Variants in ZNF23 observed in about 807,000 individuals in gnomAD.
ZNF23 encodes kruppel-like zinc finger factor X31.
In ZNF23, 48 loss-of-function variants were observed where a neutral mutation model predicts 56.2. That is an observed-to-expected ratio of 0.85 (90% CI 0.68 to 1.09). ZNF23 has a LOEUF of 1.09. Among genes scored for constraint, ZNF23 ranks in the 50% least tolerant of loss-of-function variants. ZNF23 has a pLI of 0.00. For missense variants in ZNF23, 805 were observed against 811.4 expected (o/e 0.99, Z 0.10); for synonymous variants, 266 against 283.3 (o/e 0.94, Z 0.61).
intron 4 of ZNF23, chr16:71,451,608 T>A: frequency 6.6e-6 from 1 of 152,250 alleles, no homozygotes; most frequent in East Asian, 1.9e-4. Context: ...AGCTGTCTAT[T>A]AGCCGGGAAG....
At chr16:71,457,508 A>G (rs2043280525) in intron 1 of ZNF23, among the ~76,000 whole-genome samples, 1 of 152,066 alleles carries the variant, frequency 6.6e-6, no homozygotes, top group African/African-American at 2.4e-5. Context: ...GCTTGCAGTG[A>G]GCCAAGATTG....
chr16:71,457,000 G>C (rs987803097), intron 1 of ZNF23, among the ~76,000 whole-genome samples, 172 bp from the exon 2 acceptor site: 1 of 152,076 alleles, frequency 6.6e-6, no homozygotes, highest in Non-Finnish European at 1.5e-5. Flanking sequence ...TAGGACTCCA[G>C]GCTATGACAC....
At chr16:71,450,755 C>G in intron 4 of ZNF23, 1 of 423,138 alleles carries the variant, frequency 2.4e-6, no homozygotes, top group Non-Finnish European at 4.7e-6. Context: ...GAATAAAATT[C>G]TAGGTCTTGT....
In ZNF23 at chr16:71,457,339, T is replaced by C. The variant is rs746759455; in HGVS notation, c.-32-511A>G. Among the ~76,000 whole-genome samples the C allele has an allele frequency of 6.6e-5, 10 of 152,018 alleles. No individual in the cohort carries two copies. The East Asian group carries it at 1.9e-3, about 29-fold the overall frequency. On this transcript the variant is annotated intron_variant, in intron 1 of 4. Coordinates refer to ENST00000647773, the MANE Select transcript of ZNF23 (RefSeq NM_001381984.1). ...CAGCACTTTGGGAGGCCAGGGCGGG[T>C]GGATCACAAGGTCAGGAGATCAAGA...
At chr16:71,452,757 T>C (rs1372452910) in intron 4 of ZNF23, 1 of 154,310 alleles carries the variant, frequency 6.5e-6, no homozygotes, top group African/African-American at 2.4e-5. Context: ...CCTTTTATTA[T>C]TAACCCATTT....
intron 2 of ZNF23, 78 bp from the exon 3 acceptor site, chr16:71,454,246 G>A: frequency 6.6e-7 from 1 of 1,512,138 alleles, no homozygotes. Flanking sequence ...CGCAGTATAA[G>A]GGCTTGGGGA....
chr16:71,454,614 T>C (rs1416971450), intron 2 of ZNF23, among the ~76,000 whole-genome samples: 1 of 152,052 alleles, frequency 6.6e-6, no homozygotes, highest in Non-Finnish European at 1.5e-5. Context: ...CATCCACGGC[T>C]TCTGTCTCAT....
chr16:71,449,244 A>C lies in ZNF23; in HGVS notation c.910T>G (p.Phe304Val). Residue 304 changes from phenylalanine to valine, a missense_variant, in exon 5 of 5, where the codon TTC becomes GTC. Phe to Val is a conservative substitution (Grantham distance 50, BLOSUM62 -1). Coordinates refer to ENST00000647773, the MANE Select transcript of ZNF23 (RefSeq NM_001381984.1). ...PYQCKMCGKA[F>V]SVNGSLSRHQ... Reference sequence around the variant, plus strand: ...CTACTTAGGCTTCCATTAACACTGAAGGCCTTCCCACACATCTTACACTGA... The same window carrying C: ...CTACTTAGGCTTCCATTAACACTGACGGCCTTCCCACACATCTTACACTGA... 1 of 1,614,150 alleles carries C rather than the reference A, an allele frequency of 6.2e-7. No homozygotes were observed. The highest frequency in any genetic ancestry group is 8.5e-7 in the Non-Finnish European group (1 of 1,180,022).
chr16:71,459,006 C>A (rs936271313), intron 1 of ZNF23, among the ~76,000 whole-genome samples: 4 of 152,256 alleles, frequency 2.6e-5, no homozygotes, highest in African/African-American at 7.2e-5. Flanking sequence ...TAATTCTGCT[C>A]TTAGTTTGTT....
At position 71,449,589 on chromosome 16, in the gene ZNF23, C is replaced by T. The variant is rs1278564889; in HGVS notation, c.565G>A (p.Gly189Arg). ...TTTGTATCAAAGCTGATGGATTTCC[C>T]CAATCCTGTACACCCAGAGGGCTGC... ...GEQPSGCTGL[G>R]KSISFDTKLV... is the part of the protein sequence containing the mutation. Residue 189 changes from glycine to arginine, a missense_variant, in exon 5 of 5, where the codon GGG (glycine) becomes AGG (arginine). Coordinates refer to ENST00000647773, the MANE Select transcript of ZNF23 (RefSeq NM_001381984.1). 7 of 1,613,946 alleles carry T rather than the reference C, an allele frequency of 4.3e-6. No individual in the cohort carries two copies. In the Admixed American group the frequency reaches 6.7e-5, roughly 15 times the overall value.
intron 2 of ZNF23, 57 bp downstream of exon 2, chr16:71,456,707 C>CA: frequency 2.0e-6 from 2 of 986,120 alleles, no homozygotes; most frequent in Non-Finnish European, 2.4e-6. Flanking sequence ...CTCCCCTTCT[C>CA]AATGTTTTTC....
At chr16:71,450,614 G>A (rs944234991) in intron 4 of ZNF23, 10 of 400,420 alleles carry the variant, frequency 2.5e-5, no homozygotes, top group African/African-American at 2.1e-4. Flanking sequence ...AGCTACTCGG[G>A]AGGATGAGGC....
intron 1 of ZNF23, among the ~76,000 whole-genome samples, chr16:71,457,184 G>T (rs1419421084): frequency 6.6e-6 from 1 of 152,124 alleles, no homozygotes; most frequent in Non-Finnish European, 1.5e-5. Context: ...AATCCCAACA[G>T]TTTGAGAGGC....
At chr16:71,457,291 G>A (rs879293933) in intron 1 of ZNF23, among the ~76,000 whole-genome samples, 2 of 151,918 alleles carry the variant, frequency 1.3e-5, no homozygotes, top group African/African-American at 4.8e-5. Flanking sequence ...TAGGCTGGGC[G>A]CGGTGGCTCA....
chr16:71,462,010 G>A (rs1296619253), intron 1 of ZNF23, 200 bp downstream of exon 1: 2 of 152,310 alleles, frequency 1.3e-5, no homozygotes, highest in African/African-American at 2.4e-5. Flanking sequence ...GCAAGCTATT[G>A]AGCCACAAAG....
chr16:71,457,487 C>T (rs1200145602), intron 1 of ZNF23, among the ~76,000 whole-genome samples: 5 of 152,126 alleles, frequency 3.3e-5, no homozygotes, highest in South Asian at 2.1e-4. Context: ...GGTGTGAACC[C>T]GGGAGGCAGA....
chr16:71,449,542 A>G lies in ZNF23; in HGVS notation c.612T>C (p.Ile204=). The part of the protein sequence containing the change: ...FDTKLVKHEI[I]NSEERPFKCE... The stretch of plus-strand genomic sequence containing the variant: ...ATTTGAAAGGTCTTTCCTCAGAATT[A>G]ATTATTTCATGCTTCACGAGTTTTG... Residue 204 remains isoleucine, a synonymous_variant, in exon 5 of 5, where the codon ATT becomes ATC. Transcript: ENST00000647773. 5 of 1,614,102 alleles carry G rather than the reference A, an allele frequency of 3.1e-6. No individual in the cohort carries two copies. Among genetic ancestry groups the G allele is most frequent in the Non-Finnish European group, 4.2e-6 (5 of 1,180,030 alleles).
At chr16:71,459,046 AC>A (rs1215386510) in intron 1 of ZNF23, among the ~76,000 whole-genome samples, 1 of 152,240 alleles carries the variant, frequency 6.6e-6, no homozygotes. Context: ...CAGTGTAAGC[AC>A]CACTCCAATC....
At chr16:71,461,475 A>G (rs1364758979) in intron 1 of ZNF23, among the ~76,000 whole-genome samples, 1 of 152,216 alleles carries the variant, frequency 6.6e-6, no homozygotes. Context: ...ATAAGAGTAA[A>G]GACAAAAAGA....
Sources: gnomAD v4.1 joint callset for allele counts (sites outside exome capture counted in the v4.1 genomes callset) on GRCh38, gnomAD v4.1.1 for gene constraint, MANE v1.5 for transcripts, NCBI Gene and HGNC (gene_info 2026-07-23, HGNC 2026-07-21) for gene names.